The following CACNA2D2 variants were observed in gnomAD, a reference collection of about 807,000 sequenced individuals.
CACNA2D2 encodes the protein voltage-dependent calcium channel subunit alpha-2/delta-2.
CACNA2D2 carries 48 observed loss-of-function variants against 166.4 expected under a neutral mutation model. The ratio of observed to expected loss-of-function variants is 0.29; its 90% confidence interval spans 0.23 to 0.37. The LOEUF is 0.37. CACNA2D2 is among the 10% of genes least tolerant of loss of function. The pLI, the probability that CACNA2D2 is intolerant of heterozygous loss-of-function variation, is 1.00. For synonymous variants in CACNA2D2, 561 were observed against 573.7 expected, an observed-to-expected ratio of 0.98 and a Z score of 0.32; for missense variants, 1,122 against 1,433.0, an observed-to-expected ratio of 0.78 and a Z score of 3.50.
chr3:50,498,958 C>G (rs779284380), intron 1 of CACNA2D2, among the ~76,000 whole-genome samples: 33 of 152,228 alleles, frequency 2.2e-4, no homozygotes, highest in Admixed American at 4.6e-4. Context: ...GTCTCCCCAT[C>G]TGGAGGATGG....
At position 50,366,466 on chromosome 3, in the gene CACNA2D2, G is replaced by T; in HGVS notation, c.2637+112C>A. 1.4e-6 allele frequency: 2 copies of T among 1,468,098 alleles called. No individual in the cohort carries two copies. The highest frequency in any genetic ancestry group is 9.5e-7 in the Non-Finnish European group (1 of 1,048,056). 90.9% of individuals were successfully genotyped at this position (1,468,098 alleles called of 1,614,324 possible). On this transcript the variant is annotated intron_variant, in intron 30 of 37. Coordinates refer to ENST00000424201, the MANE Select transcript of CACNA2D2 (RefSeq NM_006030.4). This position sits in a 1 kb window ranked among gnomAD's most constrained non-coding sequence, Gnocchi z 5.9. ...GTCCTGGGAAGGCTGTGAAGTCAGG[G>T]TGGGGATGTTGAGACCCACAGGCCA...
chr3:50,445,771 C>T (rs543738768), intron 2 of CACNA2D2, among the ~76,000 whole-genome samples: 1 of 152,296 alleles, frequency 6.6e-6, no homozygotes, highest in African/African-American at 2.4e-5. Flanking sequence ...CAAGAAAGCT[C>T]CCATTTTGGA....
At chr3:50,408,610 T>G (rs1026084525) in intron 3 of CACNA2D2, among the ~76,000 whole-genome samples, 1 of 152,244 alleles carries the variant, frequency 6.6e-6, no homozygotes, top group Non-Finnish European at 1.5e-5. Flanking sequence ...AGGCGGCCAG[T>G]GGGACAGCTG....
Position 50,367,313 on chromosome 3 carries a change from C to T in CACNA2D2, c.2401+81G>A, listed in dbSNP as rs1704367088. 1.5e-6 allele frequency: 2 copies of T among 1,324,550 alleles called. No individual in the cohort carries two copies. Among genetic ancestry groups the T allele is most frequent in the Non-Finnish European group, 2.2e-6 (2 of 927,508 alleles). 82.0% of individuals were successfully genotyped at this position (1,324,550 alleles called of 1,614,324 possible). A position where few individuals can be genotyped will look rare whatever the true frequency, so the allele number is the denominator to read the frequency against. ...CCTTGTGTTGGAGAGGGGCCTCAGA[C>T]AGCAGAGCCCAGTTCTGGCTGAGCA... On this transcript the variant is annotated intron_variant, in intron 27 of 37. Transcript: ENST00000424201. This position sits in a 1 kb window ranked among gnomAD's most constrained non-coding sequence, Gnocchi z 6.5.
chr3:50,440,969 G>A (rs553536794), intron 2 of CACNA2D2, among the ~76,000 whole-genome samples: 1 of 152,212 alleles, frequency 6.6e-6, no homozygotes, highest in African/African-American at 2.4e-5. Context: ...GGACAGGGAC[G>A]AGGGACGCTT....
chr3:50,476,895 G>A (rs1697799756), intron 1 of CACNA2D2, among the ~76,000 whole-genome samples: 2 of 151,604 alleles, frequency 1.3e-5, no homozygotes, highest in Admixed American at 6.6e-5. Flanking sequence ...CCCTCACACT[G>A]GTACCACCCT....
In CACNA2D2 at chr3:50,380,971, CAG is replaced by C. The variant is rs1197255821; in HGVS notation, c.784+22_784+23del. The C allele has an allele frequency of 6.2e-7, 1 of 1,612,642 alleles. No homozygotes were observed. Among genetic ancestry groups the C allele is most frequent in the Non-Finnish European group, 8.5e-7 (1 of 1,179,174 alleles). ...GGAGAAAGGCGAGGTGCTGGGTAGA[CAG>C]GGGACAGGGGCTGGTACCTACCCGG... is the stretch of plus-strand genomic sequence containing the variant. On this transcript the variant is annotated intron_variant, in intron 7 of 37. Transcript: ENST00000424201. This position sits in a 1 kb window ranked among gnomAD's most constrained non-coding sequence, Gnocchi z 4.9.
chr3:50,413,919 T>A (rs776098708), intron 3 of CACNA2D2, among the ~76,000 whole-genome samples: 5 of 151,716 alleles, frequency 3.3e-5, no homozygotes, highest in Non-Finnish European at 4.4e-5. Context: ...AGGGCCCCAT[T>A]TCCCCCATGA....
rs773873222 is a variant in CACNA2D2 at position 50,366,634 on chromosome 3, CAG to C, written c.2590-11_2590-10del. The stretch of plus-strand genomic sequence containing the variant: ...TGGCTGTTGGGGCCGCACTGCTGGG[CAG>C]AGAGTGAGGACCGTAAGCCACCCAC... On this transcript the variant is annotated splice_polypyrimidine_tract_variant and intron_variant, in intron 29 of 37. Coordinates refer to ENST00000424201, the MANE Select transcript of CACNA2D2 (RefSeq NM_006030.4). This position sits in a 1 kb window ranked among gnomAD's most constrained non-coding sequence, Gnocchi z 5.9. 2.6e-4 allele frequency: 417 copies of C among 1,613,830 alleles called. 2 individuals carry two copies. The highest frequency in any genetic ancestry group is 1.1e-4 in the Non-Finnish European group (131 of 1,179,990).
At chr3:50,494,988 T>C (rs1208869105) in intron 1 of CACNA2D2, among the ~76,000 whole-genome samples, 2 of 152,168 alleles carry the variant, frequency 1.3e-5, no homozygotes, top group African/African-American at 4.8e-5. Context: ...ATATTTTTAT[T>C]TAAGAGAAAC....
At chr3:50,497,289 G>A (rs1338921839) in intron 1 of CACNA2D2, among the ~76,000 whole-genome samples, 2 of 152,206 alleles carry the variant, frequency 1.3e-5, no homozygotes, top group Non-Finnish European at 2.9e-5. Context: ...AGGGGGAGGA[G>A]GGGTTTTGTC....
At chr3:50,502,822 C>G (rs1307327689) in intron 1 of CACNA2D2, among the ~76,000 whole-genome samples, 1 of 152,252 alleles carries the variant, frequency 6.6e-6, no homozygotes, top group Non-Finnish European at 1.5e-5. Flanking sequence ...GAACGTGGGG[C>G]AGATGCGCGG....
intron 1 of CACNA2D2, among the ~76,000 whole-genome samples, chr3:50,484,840 C>T (rs181635553): frequency 5.3e-5 from 8 of 152,350 alleles, no homozygotes; most frequent in African/African-American, 1.7e-4. Context: ...AATATACCTC[C>T]CCAGAGTCCT....
chr3:50,422,991 C>A (rs1250976421), intron 3 of CACNA2D2, among the ~76,000 whole-genome samples: 2 of 152,324 alleles, frequency 1.3e-5, no homozygotes, highest in African/African-American at 4.8e-5. Context: ...AGGTTCCCCC[C>A]AGACCCAGGG....
At chr3:50,457,765 C>G (rs1709425428) in intron 2 of CACNA2D2, among the ~76,000 whole-genome samples, 1 of 152,244 alleles carries the variant, frequency 6.6e-6, no homozygotes, top group South Asian at 2.1e-4. Context: ...AGACCCAGGT[C>G]ACCTGATTTC....
At chr3:50,390,772 G>T (rs1270758017) in intron 4 of CACNA2D2, among the ~76,000 whole-genome samples, 1 of 152,200 alleles carries the variant, frequency 6.6e-6, no homozygotes, top group Non-Finnish European at 1.5e-5. Flanking sequence ...GCCCAAGAGA[G>T]GTGTGAGGAG....
intron 1 of CACNA2D2, among the ~76,000 whole-genome samples, chr3:50,485,563 C>T (rs902884622): frequency 5.3e-5 from 8 of 152,220 alleles, no homozygotes; most frequent in Non-Finnish European, 1.2e-4. Flanking sequence ...GGATTCGGGG[C>T]CCATGGGGGC....
At position 50,374,798 on chromosome 3, in the gene CACNA2D2, G is replaced by C. The variant is rs758048696; in HGVS notation, c.1923C>G (p.Leu641=). The change falls in exon 22 of 38, where the codon CTC becomes CTG. Residue 641 remains leucine, a synonymous_variant. Transcript: ENST00000424201. Reference sequence around the variant, plus strand: ...GGAGGTAGAAGGTGCTGTAGGGTGGGAGCACCAGCCCCAGGCTGAGGGGGG... The same window carrying C: ...GGAGGTAGAAGGTGCTGTAGGGTGGCAGCACCAGCCCCAGGCTGAGGGGGG... ...RSTNYSLGLV[L]PPYSTFYLQA... 2.3e-5 allele frequency: 36 copies of C among 1,592,912 alleles called. No homozygotes were observed. In the South Asian group the frequency reaches 3.6e-4, roughly 16 times the overall value.
At chr3:50,479,459 G>A (rs190030018) in intron 1 of CACNA2D2, among the ~76,000 whole-genome samples, 3 of 152,370 alleles carry the variant, frequency 2.0e-5, no homozygotes, top group Non-Finnish European at 2.9e-5. Flanking sequence ...GTGTGTCTCA[G>A]AGTTAAAAGA....
Sources: gnomAD v4.1 joint callset for allele counts (sites outside exome capture counted in the v4.1 genomes callset) on GRCh38, gnomAD v4.1.1 for gene constraint, Gnocchi (gnomAD v3.1) non-coding constraint, MANE v1.5 for transcripts, NCBI Gene and HGNC (gene_info 2026-07-23, HGNC 2026-07-21) for gene names.